SLC13A3: variants seen among roughly 807,000 people sequenced by gnomAD.
The protein encoded by SLC13A3 is Na(+)/dicarboxylate cotransporter 3.
A neutral mutation model predicts 59.0 loss-of-function variants in SLC13A3; 40 were observed. The ratio of observed to expected loss-of-function variants is 0.68; its 90% confidence interval spans 0.53 to 0.88. The LOEUF is 0.88. SLC13A3 is among the 40% of genes least tolerant of loss of function. The pLI, the probability that SLC13A3 is intolerant of heterozygous loss-of-function variation, is 0.00. For missense variants in SLC13A3, 699 were observed against 783.2 expected (o/e 0.89, Z 1.28); for synonymous variants, 317 against 330.3 (o/e 0.96, Z 0.44).
intron 10 of SLC13A3, among the ~76,000 whole-genome samples, chr20:46,572,713 T>C (rs980603829): frequency 6.6e-6 from 1 of 152,228 alleles, no homozygotes; most frequent in Non-Finnish European, 1.5e-5. Flanking sequence ...TCTGCATATA[T>C]TGACTCACTT....
At chr20:46,599,434 G>A (rs957899942) in intron 4 of SLC13A3, among the ~76,000 whole-genome samples, 4 of 152,234 alleles carry the variant, frequency 2.6e-5, no homozygotes, top group African/African-American at 9.6e-5. Context: ...CACACAGCCA[G>A]TATGGAGCAG....
In SLC13A3 at chr20:46,592,457, GAAC is replaced by G; in HGVS notation, c.864_866del (p.Leu288del). On this transcript the variant is annotated inframe_deletion, in exon 6 of 13. Transcript: ENST00000279027. ...AGATCCAGAGCCAGCCTGCCAACAG[GAAC>G]AACAGCATAAGAGGGAAGGCGAAAA... The G allele has an allele frequency of 6.2e-7, 1 of 1,613,958 alleles. No individual in the cohort carries two copies. The highest frequency in any genetic ancestry group is 2.2e-5 in the East Asian group (1 of 44,882).
intron 1 of SLC13A3, among the ~76,000 whole-genome samples, chr20:46,633,119 C>T (rs8123587): frequency 5.9e-5 from 9 of 152,044 alleles, no homozygotes; most frequent in Admixed American, 2.6e-4. Context: ...AGCTACTTCA[C>T]GTCCACCATT....
chr20:46,633,956 T>C (rs1432644913), intron 1 of SLC13A3, among the ~76,000 whole-genome samples: 1 of 152,228 alleles, frequency 6.6e-6, no homozygotes, highest in Non-Finnish European at 1.5e-5. Flanking sequence ...CCCATGTGTG[T>C]ACATCTAGCA....
At chr20:46,648,796 T>C (rs553728408) in intron 1 of SLC13A3, among the ~76,000 whole-genome samples, 1 of 152,120 alleles carries the variant, frequency 6.6e-6, no homozygotes, top group South Asian at 2.1e-4. Context: ...TCCCAGCTAC[T>C]TGGGAGGCTG....
At chr20:46,591,110 C>T (rs2062251494) in intron 6 of SLC13A3, among the ~76,000 whole-genome samples, 1 of 151,914 alleles carries the variant, frequency 6.6e-6, no homozygotes, top group African/African-American at 2.4e-5. Flanking sequence ...GTGGAGGTTG[C>T]ACTCCGACAT....
At chr20:46,651,932 T>C (rs542855265), upstream of SLC13A3, among the ~76,000 whole-genome samples, 2 of 152,368 alleles carry the variant, frequency 1.3e-5, no homozygotes, top group South Asian at 2.1e-4. Flanking sequence ...ATCATGTTTT[T>C]TGCGGGAACA....
At chr20:46,678,573 C>A (rs763043257) in intron 1 of SLC13A3, among the ~76,000 whole-genome samples, 2 of 152,172 alleles carry the variant, frequency 1.3e-5, no homozygotes, top group Non-Finnish European at 2.9e-5. Context: ...TGCTGAACCT[C>A]CGGTTATTGC....
At chr20:46,658,276 A>G (rs1286738746) in intron 1 of SLC13A3, among the ~76,000 whole-genome samples, 1 of 152,204 alleles carries the variant, frequency 6.6e-6, no homozygotes, top group Non-Finnish European at 1.5e-5. Context: ...GCATAATTAT[A>G]TCTATATGAA....
At chr20:46,666,663 C>T (rs985788290) in intron 1 of SLC13A3, among the ~76,000 whole-genome samples, 4 of 152,076 alleles carry the variant, frequency 2.6e-5, no homozygotes, top group Admixed American at 1.3e-4. Flanking sequence ...ACCACCATGC[C>T]TGGCTAATTT....
chr20:46,647,656 A>T (rs1190291402), intron 1 of SLC13A3, among the ~76,000 whole-genome samples: 1 of 152,136 alleles, frequency 6.6e-6, no homozygotes, highest in Non-Finnish European at 1.5e-5. Flanking sequence ...GAGCCAGAGG[A>T]CATAATGTAA....
chr20:46,565,767 C>T (rs1223588756), intron 11 of SLC13A3, among the ~76,000 whole-genome samples: 1 of 152,120 alleles, frequency 6.6e-6, no homozygotes, highest in East Asian at 1.9e-4. Context: ...TGAGCAGAGC[C>T]CAGGGATGCC....
intron 12 of SLC13A3, 71 bp from the exon 13 acceptor site, chr20:46,560,269 A>G: frequency 6.9e-7 from 1 of 1,440,464 alleles, no homozygotes; most frequent in Admixed American, 1.7e-5. Context: ...ATTCAGACTC[A>G]GAGACAGGAA....
At chr20:46,669,255 C>A (rs901017402) in intron 1 of SLC13A3, among the ~76,000 whole-genome samples, 1 of 152,124 alleles carries the variant, frequency 6.6e-6, no homozygotes, top group African/African-American at 2.4e-5. Flanking sequence ...AAGGAGAAAT[C>A]TTGTGTTCCA....
Position 46,592,510 on chromosome 20 carries a change from C to G in SLC13A3, c.814G>C (p.Val272Leu). 6.2e-7 allele frequency: 1 copy of G among 1,613,722 alleles called. No homozygotes were observed. Among genetic ancestry groups the G allele is most frequent in the Non-Finnish European group, 8.5e-7 (1 of 1,179,770 alleles). ...QLKSFFPQCD[V>L]VNFGSWFIFA... Reference sequence around the variant, plus strand: ...ATGAACCAGGAGCCGAAATTCACCACGTCACACTGCGGAAAGAAACTGGAG... The same window carrying G: ...ATGAACCAGGAGCCGAAATTCACCAGGTCACACTGCGGAAAGAAACTGGAG... The change falls in exon 6 of 13, where the codon GTG (valine) becomes CTG (leucine). Residue 272 changes from valine (V) to leucine (L), a missense_variant. Transcript: ENST00000279027.
At chr20:46,661,790 A>T (rs1436600852) in intron 1 of SLC13A3, among the ~76,000 whole-genome samples, 2 of 151,936 alleles carry the variant, frequency 1.3e-5, no homozygotes. Flanking sequence ...GAGGGGAGGG[A>T]ATCTCTCAAT....
chr20:46,597,411 A>C lies in SLC13A3; in HGVS notation c.609-1069T>G, dbSNP rs190877010. 1.5e-4 allele frequency among the ~76,000 whole-genome samples: 23 copies of C among 152,196 alleles called. 1 individual carries two copies. The East Asian group carries it at 4.2e-3, about 28-fold the overall frequency. On this transcript the variant is annotated intron_variant, in intron 4 of 12. Transcript: ENST00000279027. ...ACAAAACAGCGTACATAGAATTATC[A>C]ATTTATGTTTTATTTTATTATTTAT...
chr20:46,613,923 G>T (rs2062529372), intron 1 of SLC13A3, 198 bp from the exon 2 acceptor site: 1 of 506,300 alleles, frequency 2.0e-6, no homozygotes, highest in Non-Finnish European at 3.5e-6. Context: ...ACTTAAAGCA[G>T]GTGGCATCAC....
intron 5 of SLC13A3, among the ~76,000 whole-genome samples, chr20:46,592,990 C>G (rs1456058989): frequency 6.6e-6 from 1 of 152,184 alleles, no homozygotes; most frequent in Non-Finnish European, 1.5e-5. Flanking sequence ...ATGTGGGAGT[C>G]ACATATAACA....
Sources: allele counts gnomAD v4.1 joint callset (sites outside exome capture counted in the v4.1 genomes callset), GRCh38; gene constraint gnomAD v4.1.1; transcripts MANE v1.5; gene names NCBI Gene and HGNC (gene_info 2026-07-23, HGNC 2026-07-21).